The following PRKG1 variants were observed in gnomAD, a reference collection of about 807,000 sequenced individuals.
PRKG1 encodes protein kinase cGMP-dependent 1, also known as cGMP-dependent protein kinase 1.
PRKG1 carries 35 observed loss-of-function variants against 88.1 expected under a neutral mutation model. The observed-to-expected ratio is 0.40, with a 90% CI of 0.30 to 0.53. The LOEUF (loss-of-function observed/expected upper bound fraction) is 0.53. Among genes scored for constraint, PRKG1 ranks in the 20% least tolerant of loss-of-function variants. PRKG1 has a pLI of 0.59. For missense variants in PRKG1, 540 were observed against 839.8 expected (o/e 0.64, Z 4.41); for synonymous variants, 303 against 292.5 (o/e 1.04, Z -0.37).
At chr10:52,157,246 C>T (rs1368125432) in intron 8 of PRKG1, among the ~76,000 whole-genome samples, 1 of 144,368 alleles carries the variant, frequency 6.9e-6, no homozygotes, top group African/African-American at 2.5e-5. Flanking sequence ...TATACATGCA[C>T]ATATATATGT....
At chr10:51,864,843 G>T (rs1201562965) in intron 4 of PRKG1, among the ~76,000 whole-genome samples, 5 of 152,056 alleles carry the variant, frequency 3.3e-5, no homozygotes, top group Non-Finnish European at 7.4e-5. Context: ...ACTTCAACTT[G>T]ATATTTATTT....
intron 3 of PRKG1, among the ~76,000 whole-genome samples, chr10:51,728,460 T>TG (rs1842192158): frequency 4.6e-5 from 4 of 86,250 alleles, no homozygotes; most frequent in African/African-American, 9.6e-5. Flanking sequence ...TTTGTTTTTT[T>TG]TTTTTTTTTT....
rs765792966 is a variant in PRKG1 at position 51,737,740 on chromosome 10, A to ATTAATTATTATT, written c.593-66845_593-66844insTTAATTATTATT. 2.5e-4 allele frequency among the ~76,000 whole-genome samples: 34 copies of ATTAATTATTATT among 133,418 alleles called. No homozygotes were observed. In the East Asian group the frequency reaches 3.1e-3, roughly 12 times the overall value. The allele number at this position is 133,418 out of a possible 152,430, so 87.5% of individuals were successfully genotyped here. On this transcript the variant is annotated intron_variant, in intron 3 of 17. Coordinates refer to ENST00000373980, the MANE Select transcript of PRKG1 (RefSeq NM_006258.4). ...TTATTTATTTATTTATTTATTTATT[A>ATTAATTATTATT]ATTATTATTATTATTATTATTATTA...
rs533573103 is a variant in PRKG1, at chr10:51,633,319, G to C, written c.592+165483G>C. Among the ~76,000 whole-genome samples, 3 of 152,222 alleles carry C rather than the reference G, an allele frequency of 2.0e-5. No individual in the cohort carries two copies. In the South Asian group the frequency reaches 6.2e-4, roughly 32 times the overall value. On this transcript the variant is annotated intron_variant, in intron 3 of 17. Coordinates refer to ENST00000373980, the MANE Select transcript of PRKG1 (RefSeq NM_006258.4). The stretch of plus-strand genomic sequence containing the variant: ...AGATTAGTAATATTGTTAACCTGAT[G>C]ATGATAGAAGACTTACTCCTTTTAA...
intron 2 of PRKG1, among the ~76,000 whole-genome samples, chr10:51,303,604 T>G (rs1840951311): frequency 6.6e-6 from 1 of 152,188 alleles, no homozygotes; most frequent in Admixed American, 6.5e-5. Context: ...ATGATGGATC[T>G]TATTTGCTTT....
chr10:51,673,529 C>A (rs1252371424), intron 3 of PRKG1, among the ~76,000 whole-genome samples: 1 of 152,054 alleles, frequency 6.6e-6, no homozygotes, highest in East Asian at 1.9e-4. Context: ...ATCTTGTGAA[C>A]CACTGTGAAG....
At chr10:51,289,734 G>A (rs950802076) in intron 2 of PRKG1, among the ~76,000 whole-genome samples, 1 of 151,922 alleles carries the variant, frequency 6.6e-6, no homozygotes, top group Non-Finnish European at 1.5e-5. Context: ...GGGTGTGGGT[G>A]GTTAGGTGGG....
In PRKG1 at chr10:51,665,862, A is replaced by G. The variant is rs550537513; in HGVS notation, c.593-138723A>G. On this transcript the variant is annotated intron_variant, in intron 3 of 17. Transcript: ENST00000373980. ...TTTTTATTTTGGTAGAAGAGAAAAA[A>G]AATTATAGGTTGATTGCTAAATAGA... Among the ~76,000 whole-genome samples the G allele has an allele frequency of 1.1e-4, 16 of 152,058 alleles. 1 individual carries two copies. Among genetic ancestry groups the G allele is most frequent in the Non-Finnish European group, 8.8e-5 (6 of 67,998 alleles).
chr10:51,618,116 A>T (rs1271177512), intron 3 of PRKG1, among the ~76,000 whole-genome samples: 1 of 152,150 alleles, frequency 6.6e-6, no homozygotes, highest in Non-Finnish European at 1.5e-5. Flanking sequence ...CTGTTTTATC[A>T]AAGTAGCATG....
rs1259062564 is a variant in PRKG1 at position 51,727,274 on chromosome 10, CAA to C, written c.593-77300_593-77299del. Reference sequence around the variant, plus strand: ...TGGGCAACACAGTAAGACCCCATTGCAAAAAAAAAAAATATATATATATATAT... The same window carrying C: ...TGGGCAACACAGTAAGACCCCATTGCAAAAAAAAAATATATATATATATAT... On this transcript the variant is annotated intron_variant, in intron 3 of 17. Coordinates refer to ENST00000373980, the MANE Select transcript of PRKG1 (RefSeq NM_006258.4). 8.6e-3 allele frequency among the ~76,000 whole-genome samples: 1,219 copies of C among 141,438 alleles called. 15 individuals are homozygous for C. The highest frequency in any genetic ancestry group is 0.029 in the African/African-American group (1,111 of 37,778). The allele number at this position is 141,438 out of a possible 152,430, so 92.8% of individuals were successfully genotyped here.
At chr10:51,486,644 C>T (rs915597013) in intron 3 of PRKG1, among the ~76,000 whole-genome samples, 5 of 151,942 alleles carry the variant, frequency 3.3e-5, no homozygotes, top group African/African-American at 9.7e-5. Flanking sequence ...TCTTCCATTC[C>T]GTACTATTTG....
intron 1 of PRKG1, among the ~76,000 whole-genome samples, chr10:51,145,612 C>T (rs141123829): frequency 7.9e-5 from 12 of 152,196 alleles, no homozygotes; most frequent in East Asian, 1.9e-4. Context: ...TAGGCTCACG[C>T]GTAAAATGCA....
At chr10:51,519,764 T>C (rs1206809138) in intron 3 of PRKG1, among the ~76,000 whole-genome samples, 3 of 152,146 alleles carry the variant, frequency 2.0e-5, no homozygotes, top group Non-Finnish European at 4.4e-5. Flanking sequence ...TATTCAAAAA[T>C]AACTCAATCA....
intron 9 of PRKG1, among the ~76,000 whole-genome samples, chr10:52,186,879 T>A (rs1839214270): frequency 6.6e-6 from 1 of 152,162 alleles, no homozygotes; most frequent in Non-Finnish European, 1.5e-5. Context: ...CTTACTATAA[T>A]TTTATGTCTA....
intron 2 of PRKG1, among the ~76,000 whole-genome samples, chr10:51,431,615 T>C (rs1158272661): frequency 6.6e-6 from 1 of 152,156 alleles, no homozygotes; most frequent in Non-Finnish European, 1.5e-5. Flanking sequence ...CTGTTTTTAA[T>C]AATTGGACAG....
intron 4 of PRKG1, among the ~76,000 whole-genome samples, chr10:51,890,965 A>G (rs942875237): frequency 1.3e-5 from 2 of 152,200 alleles, no homozygotes; most frequent in Non-Finnish European, 2.9e-5. Context: ...AAACACATAC[A>G]TACATATATA....
chr10:51,230,878 C>G (rs770632486), intron 2 of PRKG1, among the ~76,000 whole-genome samples: 1 of 151,588 alleles, frequency 6.6e-6, no homozygotes, highest in Non-Finnish European at 1.5e-5. Context: ...GAATGCAGAA[C>G]CCATGAATGT....
intron 1 of PRKG1, among the ~76,000 whole-genome samples, chr10:51,143,748 T>C (rs1845877183): frequency 6.6e-6 from 1 of 152,094 alleles, no homozygotes; most frequent in African/African-American, 2.4e-5. Flanking sequence ...TATGTACTCA[T>C]TGGCCATGTT....
chr10:52,133,728 G>A, intron 7 of PRKG1, 112 bp from the exon 8 acceptor site: 1 of 840,672 alleles, frequency 1.2e-6, no homozygotes, highest in Non-Finnish European at 1.8e-6. Flanking sequence ...CCTGGAGGTG[G>A]ATAAATCAGA....
Sources: gnomAD v4.1 joint callset for allele counts (sites outside exome capture counted in the v4.1 genomes callset) on GRCh38, gnomAD v4.1.1 for gene constraint, MANE v1.5 for transcripts, NCBI Gene and HGNC (gene_info 2026-07-23, HGNC 2026-07-21) for gene names.